CYP4Z1: variants seen among roughly 807,000 people sequenced by gnomAD.
The protein encoded by CYP4Z1 is cytochrome P450 family 4 subfamily Z member 1.
A neutral mutation model predicts 54.2 loss-of-function variants in CYP4Z1; 41 were observed. The ratio of observed to expected loss-of-function variants is 0.76; its 90% CI spans 0.59 to 0.98. The LOEUF is 0.98. CYP4Z1 is among the 50% of genes least tolerant of loss of function. The probability of loss-of-function intolerance (pLI) is 0.00; values close to 1 mark genes in which losing one functional copy is unlikely to be tolerated. For synonymous variants in CYP4Z1, 163 were observed against 206.2 expected, an observed-to-expected ratio of 0.79 and a Z score of 1.79; for missense variants, 513 against 599.0, an observed-to-expected ratio of 0.86 and a Z score of 1.50.
At chr1:47,116,533 A>C in intron 10 of CYP4Z1, 117 bp from the exon 11 acceptor site, 1 of 628,218 alleles carries the variant, frequency 1.6e-6, no homozygotes, top group Non-Finnish European at 2.7e-6. Flanking sequence ...GTAAGTTCCT[A>C]AAATTAGCTT....
rs1644468324 is a variant in CYP4Z1 at position 47,068,618 on chromosome 1, A to G, written c.178-4A>G. 1.2e-6 allele frequency: 2 copies of G among 1,613,870 alleles called. No individual in the cohort carries two copies. Among genetic ancestry groups the G allele is most frequent in the Non-Finnish European group, 1.7e-6 (2 of 1,179,864 alleles). The stretch of plus-strand genomic sequence containing the variant: ...CTAACCAGTCATGACTTATCTTATG[A>G]CAGTTTTACCCAGTAAAGGAGTTTG... On this transcript the variant is annotated splice_polypyrimidine_tract_variant and splice_region_variant and intron_variant, in intron 1 of 11. Coordinates refer to ENST00000334194, the MANE Select transcript of CYP4Z1 (RefSeq NM_178134.3).
rs758541289 is a variant in CYP4Z1 at position 47,117,939 on chromosome 1, A to C, written c.*5A>C. Reference sequence around the variant, plus strand: ...TTTGCAAAAAAAGTTTGCTAATTTTAAGTCCTTTCGTATAAGAATTAATGA... The same window carrying C: ...TTTGCAAAAAAAGTTTGCTAATTTTCAGTCCTTTCGTATAAGAATTAATGA... On this transcript the variant is annotated 3_prime_UTR_variant, in exon 12 of 12. Coordinates refer to ENST00000334194, the MANE Select transcript of CYP4Z1 (RefSeq NM_178134.3). 1.2e-6 allele frequency: 2 copies of C among 1,612,608 alleles called. No homozygotes were observed.
rs1003187628 is a variant in CYP4Z1, at chr1:47,117,798, A to G, written c.1382A>G (p.Glu461Gly). The G allele has an allele frequency of 1.2e-6, 2 of 1,613,502 alleles. No homozygotes were observed. The highest frequency in any genetic ancestry group is 1.1e-5 in the South Asian group (1 of 91,004). The change falls in exon 12 of 12, where the codon GAG (glutamate) becomes GGG (glycine). Residue 461 changes from glutamate (E) to glycine (G), a missense_variant. Transcript: ENST00000334194. ...NCIGQHFAII[E>G]CKVAVALTLL... Reference sequence around the variant, plus strand: ...ATTGGGCAGCATTTTGCCATAATTGAGTGTAAAGTGGCAGTGGCATTAACT... The same window carrying G: ...ATTGGGCAGCATTTTGCCATAATTGGGTGTAAAGTGGCAGTGGCATTAACT...
chr1:47,056,954 C>T, the CYP4Z1 span, among the ~76,000 whole-genome samples: 5 of 151,912 alleles, frequency 3.3e-5, no homozygotes, highest in Admixed American at 2.0e-4. Flanking sequence ...GAATTTGATC[C>T]TGTCATTATG....
chr1:47,086,755 T>A (rs1644598390), intron 6 of CYP4Z1, among the ~76,000 whole-genome samples: 1 of 152,256 alleles, frequency 6.6e-6, no homozygotes, highest in African/African-American at 2.4e-5. Flanking sequence ...GTTTTAGACA[T>A]GAAGTCCTTG....
intron 7 of CYP4Z1, among the ~76,000 whole-genome samples, chr1:47,098,116 C>G (rs952017602): frequency 1.9e-4 from 29 of 152,052 alleles, no homozygotes; most frequent in African/African-American, 6.8e-4. Context: ...TGCACCCAGC[C>G]CCATATGAAT....
chr1:47,077,433 AC>A (rs1446544449), intron 2 of CYP4Z1, among the ~76,000 whole-genome samples: 2 of 152,012 alleles, frequency 1.3e-5, no homozygotes, highest in East Asian at 3.9e-4. Context: ...CTACCCTTTT[AC>A]TTTTAACCTC....
chr1:47,068,118 T>A (rs569574637), intron 1 of CYP4Z1, among the ~76,000 whole-genome samples: 9 of 151,984 alleles, frequency 5.9e-5, no homozygotes, highest in Non-Finnish European at 1.2e-4. Flanking sequence ...CCAAAAGGAG[T>A]AAAAGGCATG....
intron 7 of CYP4Z1, among the ~76,000 whole-genome samples, chr1:47,095,006 T>C (rs1272680133): frequency 6.6e-6 from 1 of 152,096 alleles, no homozygotes; most frequent in African/African-American, 2.4e-5. Context: ...ATAAATAAAT[T>C]AGAAAAACTT....
intron 9 of CYP4Z1, among the ~76,000 whole-genome samples, chr1:47,112,169 A>C (rs1375324322): frequency 6.6e-6 from 1 of 152,120 alleles, no homozygotes; most frequent in Non-Finnish European, 1.5e-5. Flanking sequence ...TAGTCAAAAA[A>C]CACAATAGCC....
At chr1:47,106,000 A>T in intron 8 of CYP4Z1, 128 bp from the exon 9 acceptor site, 1 of 1,151,288 alleles carries the variant, frequency 8.7e-7, no homozygotes. Flanking sequence ...TACTTGATAC[A>T]TCTGAAGTCC....
rs78573695 is a variant in CYP4Z1 at position 47,098,640 on chromosome 1, T to C, written c.877-454T>C. The stretch of plus-strand genomic sequence containing the variant: ...TTTCACCTAATAATAAATCATGAGC[T>C]TTCCCTTTATCATTAAGAAGTTATT... On this transcript the variant is annotated intron_variant, in intron 7 of 11. Coordinates refer to ENST00000334194, the MANE Select transcript of CYP4Z1 (RefSeq NM_178134.3). Among the ~76,000 whole-genome samples the C allele has an allele frequency of 4.9e-3, 741 of 152,332 alleles. 12 individuals are homozygous for C. The highest frequency in any genetic ancestry group is 0.046 in the East Asian group (239 of 5,180).
chr1:47,114,155 A>ATCTG (rs1644813059), intron 9 of CYP4Z1, among the ~76,000 whole-genome samples: 3 of 152,196 alleles, frequency 2.0e-5, no homozygotes, highest in African/African-American at 7.2e-5. Context: ...ATCTACAACT[A>ATCTG]TCTGATCTTT....
rs544872653 is a variant in CYP4Z1, at chr1:47,094,385, T to TGAAGTACCTGTAGGTCA, written c.773-180_773-179insAAGTACCTGTAGGTCAG. On this transcript the variant is annotated intron_variant, in intron 6 of 11. Transcript: ENST00000334194. ...AGGAAGAGAAATTGTGGCTAAAAGG[T>TGAAGTACCTGTAGGTCA]GGGATGGGACGATTTTTTTAAAAAG... Among the ~76,000 whole-genome samples, 722 of 152,076 alleles carry TGAAGTACCTGTAGGTCA rather than the reference T, an allele frequency of 4.7e-3. 7 individuals carry two copies. The highest frequency in any genetic ancestry group is 0.016 in the African/African-American group (679 of 41,442).
At chr1:47,082,313 T>C in intron 3 of CYP4Z1, 21 bp from the exon 4 acceptor site, 1 of 1,583,584 alleles carries the variant, frequency 6.3e-7, no homozygotes, top group Non-Finnish European at 8.6e-7. Context: ...ATAGAAACAG[T>C]TGCCCCTCTC....
chr1:47,093,919 T>C (rs1644657596), intron 6 of CYP4Z1, among the ~76,000 whole-genome samples: 1 of 152,216 alleles, frequency 6.6e-6, no homozygotes, highest in Admixed American at 6.5e-5. Flanking sequence ...TGGCAGAGTC[T>C]TCAGGGTTTT....
chr1:47,103,687 C>T (rs1452998382), intron 8 of CYP4Z1, among the ~76,000 whole-genome samples: 2 of 150,318 alleles, frequency 1.3e-5, no homozygotes, highest in Admixed American at 6.6e-5. Flanking sequence ...CTCCACCTCC[C>T]GGGTTCAAGC....
At chr1:47,056,373 G>C in the CYP4Z1 span, among the ~76,000 whole-genome samples, 2 of 152,258 alleles carry the variant, frequency 1.3e-5, no homozygotes, top group South Asian at 4.2e-4. Flanking sequence ...GTGTGGTGTG[G>C]TGCTGAAAAG....
At chr1:47,066,982 G>A (rs1301677510), upstream of CYP4Z1, among the ~76,000 whole-genome samples, 1 of 152,124 alleles carries the variant, frequency 6.6e-6, no homozygotes, top group African/African-American at 2.4e-5. Flanking sequence ...TACTCTGGTG[G>A]AGGATTTTGA....
Sources: gnomAD v4.1 joint callset for allele counts (sites outside exome capture counted in the v4.1 genomes callset) on GRCh38, gnomAD v4.1.1 for gene constraint, MANE v1.5 for transcripts, NCBI Gene and HGNC (gene_info 2026-07-23, HGNC 2026-07-21) for gene names.